Variants in DPYSL3 observed in about 807,000 individuals in gnomAD.
The protein encoded by DPYSL3 is dihydropyrimidinase-related protein 3.
In DPYSL3, 16 loss-of-function variants were observed where a neutral mutation model predicts 66.1. The observed-to-expected ratio is 0.24, with a 90% CI of 0.16 to 0.37. DPYSL3 has a LOEUF of 0.37. Among genes scored for constraint, DPYSL3 ranks in the 10% least tolerant of loss-of-function variants. DPYSL3 has a pLI of 1.00. For missense variants in DPYSL3, 738 were observed against 916.2 expected, an observed-to-expected ratio of 0.81 and a Z score of 2.51; for synonymous variants, 338 against 345.1, an observed-to-expected ratio of 0.98 and a Z score of 0.23.
At chr5:147,498,254 A>G (rs1753550890) in intron 1 of DPYSL3, among the ~76,000 whole-genome samples, 1 of 150,368 alleles carries the variant, frequency 6.7e-6, no homozygotes, top group Admixed American at 6.7e-5. Flanking sequence ...ATATTTCTCC[A>G]AAGGACATGA....
chr5:147,452,499 C>A (rs564041860), intron 1 of DPYSL3, among the ~76,000 whole-genome samples: 1 of 151,878 alleles, frequency 6.6e-6, no homozygotes, highest in East Asian at 2.0e-4. Context: ...CAAAGCACAA[C>A]CGCACTGCTT....
At chr5:147,415,912 C>T (rs1751958124) in intron 3 of DPYSL3, 39 bp from the exon 4 acceptor site, 2 of 1,603,472 alleles carry the variant, frequency 1.2e-6, no homozygotes, top group South Asian at 1.1e-5. Context: ...CTCTCAGACA[C>T]AGCCTTTGCT....
rs1456243061 is a variant in DPYSL3 at position 147,408,605 on chromosome 5, G to A, written c.1032+123C>T. On this transcript the variant is annotated intron_variant, in intron 7 of 13. Coordinates refer to ENST00000343218, the MANE Select transcript of DPYSL3 (RefSeq NM_001197294.2). ...TTTTCTCACGGGCTCCTGAGTTAGA[G>A]TCAATCAGAAGTGGTCTTTGGAAGA... is the stretch of plus-strand genomic sequence containing the variant. The A allele has an allele frequency of 1.2e-5, 12 of 1,000,860 alleles. No homozygotes were observed. The Admixed American group carries it at 2.6e-4, about 22-fold the overall frequency. The allele number at this position is 1,000,860 out of a possible 1,614,324, so 62.0% of individuals were successfully genotyped here.
At chr5:147,422,056 A>T (rs1752091836) in intron 2 of DPYSL3, among the ~76,000 whole-genome samples, 2 of 152,200 alleles carry the variant, frequency 1.3e-5, no homozygotes, top group Non-Finnish European at 2.9e-5. Flanking sequence ...AGAAACTATC[A>T]TCAGAGTGAA....
intron 1 of DPYSL3, among the ~76,000 whole-genome samples, chr5:147,463,438 G>A (rs1752964314): frequency 6.6e-6 from 1 of 152,162 alleles, no homozygotes. Flanking sequence ...GGACCCGGAA[G>A]GGGAAAGATT....
chr5:147,488,534 T>C (rs894325915), intron 1 of DPYSL3, among the ~76,000 whole-genome samples: 3 of 150,482 alleles, frequency 2.0e-5, no homozygotes, highest in African/African-American at 7.3e-5. Context: ...CTGGGCAACA[T>C]AGGGAAACCC....
At position 147,509,423 on chromosome 5, in the gene DPYSL3, CA is replaced by C. The variant is rs1211408246; in HGVS notation, c.381+54del. 1 of 1,450,294 alleles carries C rather than the reference CA, an allele frequency of 6.9e-7. No homozygotes were observed. Among genetic ancestry groups the C allele is most frequent in the Non-Finnish European group, 9.0e-7 (1 of 1,106,190 alleles). 89.8% of individuals were successfully genotyped at this position (1,450,294 alleles called of 1,614,324 possible). A position where few individuals can be genotyped will look rare whatever the true frequency, so the allele number is the denominator to read the frequency against. On this transcript the variant is annotated intron_variant, in intron 1 of 13. Transcript: ENST00000343218. The surrounding 1 kb of genome is among the most constrained non-coding windows in gnomAD (Gnocchi z 5.3). ...AAAGTTGTGCCCGGGCCATGGCGGC[CA>C]GGGCTGGAGAAAGGAACGAAGGCAA... is the stretch of plus-strand genomic sequence containing the variant.
At chr5:147,446,284 G>C (rs185733654) in intron 1 of DPYSL3, among the ~76,000 whole-genome samples, 1 of 152,300 alleles carries the variant, frequency 6.6e-6, no homozygotes, top group Admixed American at 6.5e-5. Flanking sequence ...TAGAGGCAAA[G>C]GCAGGCCTGA....
chr5:147,453,969 TTTTC>T (rs954539314), intron 1 of DPYSL3: 44 of 256,534 alleles, frequency 1.7e-4, no homozygotes, highest in Non-Finnish European at 2.9e-4. Context: ...CTCACCCACT[TTTTC>T]TTTTTCTTTC....
chr5:147,411,566 T>C (rs1467394072), intron 6 of DPYSL3, among the ~76,000 whole-genome samples: 1 of 152,174 alleles, frequency 6.6e-6, no homozygotes, highest in African/African-American at 2.4e-5. Flanking sequence ...GGGAGGATGA[T>C]AGCATCTTTA....
chr5:147,453,724 C>T, intron 1 of DPYSL3: 1 of 1,315,986 alleles, frequency 7.6e-7, no homozygotes, highest in Non-Finnish European at 9.7e-7. Flanking sequence ...CCTCCGCCCG[C>T]CTCCGCCCCC....
Position 147,509,408 on chromosome 5 carries a change from C to T in DPYSL3, c.381+70G>A. The T allele has an allele frequency of 6.9e-7, 1 of 1,443,984 alleles. No homozygotes were observed. 89.4% of individuals were successfully genotyped at this position (1,443,984 alleles called of 1,614,324 possible). ...CAAAGTGAGCTGGAGAAAGTTGTGC[C>T]CGGGCCATGGCGGCCAGGGCTGGAG... is the stretch of plus-strand genomic sequence containing the variant. On this transcript the variant is annotated intron_variant, in intron 1 of 13. Transcript: ENST00000343218. This position sits in a 1 kb window ranked among gnomAD's most constrained non-coding sequence, Gnocchi z 5.3.
intron 13 of DPYSL3, among the ~76,000 whole-genome samples, chr5:147,395,306 G>A (rs764547307): frequency 3.3e-5 from 5 of 152,210 alleles, no homozygotes; most frequent in Admixed American, 6.5e-5. Flanking sequence ...AACCAGGGCT[G>A]ATCTCTAGGC....
chr5:147,410,890 CCTGA>C (rs1751838684), intron 6 of DPYSL3, among the ~76,000 whole-genome samples: 1 of 152,158 alleles, frequency 6.6e-6, no homozygotes, highest in Non-Finnish European at 1.5e-5. Context: ...CTACTCTTTT[CCTGA>C]CTGAGAACAG....
chr5:147,441,734 T>C (rs1464354973), intron 1 of DPYSL3, among the ~76,000 whole-genome samples: 1 of 152,214 alleles, frequency 6.6e-6, no homozygotes, highest in Non-Finnish European at 1.5e-5. Context: ...ATTTTCTCAA[T>C]CATTCAAATG....
chr5:147,405,443 G>A (rs937959577), intron 8 of DPYSL3, among the ~76,000 whole-genome samples, 167 bp downstream of exon 8: 2 of 152,180 alleles, frequency 1.3e-5, no homozygotes, highest in Non-Finnish European at 2.9e-5. Flanking sequence ...AATGCCAAGT[G>A]GGAGAAATCC....
chr5:147,477,554 C>T (rs1269653765), intron 1 of DPYSL3, among the ~76,000 whole-genome samples: 2 of 137,750 alleles, frequency 1.5e-5, no homozygotes, highest in East Asian at 2.1e-4. Flanking sequence ...AATAAAAACA[C>T]CTAAATCTTT....
At chr5:147,453,638 C>T (rs371812308) in intron 1 of DPYSL3, 2 of 1,512,096 alleles carry the variant, frequency 1.3e-6, no homozygotes, top group Non-Finnish European at 1.8e-6. Context: ...TCTTCTGCTC[C>T]GGCTCGCCCG....
intron 1 of DPYSL3, among the ~76,000 whole-genome samples, chr5:147,492,312 G>A (rs1402549286): frequency 6.6e-6 from 1 of 151,966 alleles, no homozygotes; most frequent in Non-Finnish European, 1.5e-5. Flanking sequence ...AATGATATAG[G>A]TCAGAAACTT....
Sources: gnomAD v4.1 joint callset for allele counts (sites outside exome capture counted in the v4.1 genomes callset) on GRCh38, gnomAD v4.1.1 for gene constraint, Gnocchi (gnomAD v3.1) non-coding constraint, MANE v1.5 for transcripts, NCBI Gene and HGNC (gene_info 2026-07-23, HGNC 2026-07-21) for gene names.